Variants in ROBO1 observed in about 807,000 individuals in gnomAD.
ROBO1 encodes roundabout guidance receptor 1.
Under a neutral mutation model 195.9 loss-of-function variants are expected in ROBO1, and 149 were observed. The ratio of observed to expected loss-of-function variants is 0.76; its 90% CI spans 0.67 to 0.87. The LOEUF is 0.87. ROBO1 is among the 40% of genes least tolerant of loss of function. ROBO1 has a pLI of 0.00. For synonymous variants in ROBO1, 816 were observed against 733.2 expected (o/e 1.11, Z -1.82); for missense variants, 1,933 against 2,068.3 (o/e 0.93, Z 1.27).
chr3:78,885,932 TATATATATAC>T (rs2036539036), intron 4 of ROBO1, among the ~76,000 whole-genome samples: 1 of 144,570 alleles, frequency 6.9e-6, no homozygotes, highest in Non-Finnish European at 1.5e-5. Context: ...TATATATATA[TATATATATAC>T]ATACATATAT....
intron 4 of ROBO1, among the ~76,000 whole-genome samples, chr3:78,771,905 T>C (rs1328748952): frequency 1.3e-5 from 2 of 152,094 alleles, no homozygotes; most frequent in East Asian, 1.9e-4. Context: ...TCAATCCTTT[T>C]AAATTTCAAT....
In ROBO1 at chr3:78,884,644, AAAGAAAGG is replaced by A. The variant is rs1429342779; in HGVS notation, c.499+53949_499+53956del. Among the ~76,000 whole-genome samples, 368 of 81,046 alleles carry A rather than the reference AAAGAAAGG, an allele frequency of 4.5e-3. 1 individual carries two copies. Among genetic ancestry groups the A allele is most frequent in the African/African-American group, 0.011 (216 of 19,508 alleles). The allele number at this position is 81,046 out of a possible 152,430, so 53.2% of individuals were successfully genotyped here. A position where few individuals can be genotyped will look rare whatever the true frequency, so the allele number is the denominator to read the frequency against. On this transcript the variant is annotated intron_variant, in intron 4 of 30. Coordinates refer to ENST00000464233, the MANE Select transcript of ROBO1 (RefSeq NM_002941.4). Reference sequence around the variant, plus strand: ...AAGAGAGAAAGAAAGAGAAAGAAAGAAAGAAAGGAAGGAAGGAAGGAAGGAAGGAAGGA... The same window carrying A: ...AAGAGAGAAAGAAAGAGAAAGAAAGAAAGGAAGGAAGGAAGGAAGGAAGGA...
At chr3:79,700,015 T>G (rs1472381483) in intron 1 of ROBO1, among the ~76,000 whole-genome samples, 2 of 151,114 alleles carry the variant, frequency 1.3e-5, no homozygotes, top group Non-Finnish European at 3.0e-5. Flanking sequence ...CTTCCCAACA[T>G]CTGTTGTTGC....
chr3:78,629,246 C>T (rs1388881281), intron 25 of ROBO1, among the ~76,000 whole-genome samples: 1 of 152,134 alleles, frequency 6.6e-6, no homozygotes, highest in Non-Finnish European at 1.5e-5. Flanking sequence ...CTTCATTCTT[C>T]TCAGTTAGAA....
chr3:78,690,972 A>G (rs2081160444), intron 8 of ROBO1, among the ~76,000 whole-genome samples: 1 of 152,118 alleles, frequency 6.6e-6, no homozygotes, highest in African/African-American at 2.4e-5. Flanking sequence ...TCCTGAAGCA[A>G]TCCTTCCACA....
chr3:79,212,926 T>C (rs543188322), intron 2 of ROBO1, among the ~76,000 whole-genome samples: 1 of 152,252 alleles, frequency 6.6e-6, no homozygotes, highest in South Asian at 2.1e-4. Context: ...CTTTTCTTAC[T>C]TGCAGTCTGA....
chr3:79,511,696 TAAAGA>T (rs1940713753), intron 2 of ROBO1, among the ~76,000 whole-genome samples: 1 of 152,136 alleles, frequency 6.6e-6, no homozygotes, highest in South Asian at 2.1e-4. Context: ...ATAGACTAAG[TAAAGA>T]AAATACTGTA....
chr3:79,238,795 A>T (rs2108872900), intron 2 of ROBO1, among the ~76,000 whole-genome samples: 1 of 152,242 alleles, frequency 6.6e-6, no homozygotes. Context: ...ACTGCTTAGT[A>T]TTTCTCAAAG....
chr3:78,600,577 T>TATC (rs372684138), intron 29 of ROBO1, among the ~76,000 whole-genome samples: 1,832 of 152,284 alleles, frequency 0.012, 36 homozygotes, highest in African/African-American at 0.042. Context: ...TACAGACCAA[T>TATC]ATCATTAAAA....
At chr3:79,552,934 T>C (rs1942573528) in intron 2 of ROBO1, among the ~76,000 whole-genome samples, 1 of 152,028 alleles carries the variant, frequency 6.6e-6, no homozygotes, top group Non-Finnish European at 1.5e-5. Context: ...AAATTGAAAA[T>C]TTGCTATTGC....
At chr3:79,331,793 T>C (rs2034449789) in intron 2 of ROBO1, among the ~76,000 whole-genome samples, 5 of 152,206 alleles carry the variant, frequency 3.3e-5, no homozygotes, top group Admixed American at 3.3e-4. Flanking sequence ...TCACAGACAT[T>C]GTCTGCTAAA....
chr3:78,623,932 C>T (rs999179322), intron 26 of ROBO1, among the ~76,000 whole-genome samples: 1 of 151,998 alleles, frequency 6.6e-6, no homozygotes, highest in Non-Finnish European at 1.5e-5. Flanking sequence ...ACTGATGGGG[C>T]AGACATTAGA....
chr3:79,446,846 T>A (rs2039275533), intron 2 of ROBO1, among the ~76,000 whole-genome samples: 2 of 152,172 alleles, frequency 1.3e-5, no homozygotes, highest in African/African-American at 4.8e-5. Flanking sequence ...TTTTTTGAGA[T>A]GGAGTCTTCC....
chr3:78,878,814 G>C (rs538400746), intron 4 of ROBO1, among the ~76,000 whole-genome samples: 8 of 152,156 alleles, frequency 5.3e-5, no homozygotes, highest in African/African-American at 1.7e-4. Context: ...AGATTCTGTA[G>C]ACCAAAAGTT....
intron 3 of ROBO1, among the ~76,000 whole-genome samples, chr3:79,045,676 GA>G (rs1458601780): frequency 6.6e-6 from 1 of 151,796 alleles, no homozygotes; most frequent in Non-Finnish European, 1.5e-5. Flanking sequence ...CATTTTTAAG[GA>G]ACTAGACGGT....
intron 2 of ROBO1, among the ~76,000 whole-genome samples, chr3:79,273,649 G>A (rs1478648942): frequency 6.6e-6 from 1 of 151,710 alleles, no homozygotes; most frequent in East Asian, 1.9e-4. Context: ...AATGGCAGGA[G>A]TAAGTCCTTA....
intron 1 of ROBO1, among the ~76,000 whole-genome samples, chr3:79,666,068 G>A (rs912649986): frequency 6.6e-6 from 1 of 151,856 alleles, no homozygotes; most frequent in African/African-American, 2.4e-5. Context: ...TGAAAATGTG[G>A]CATGTTTTTG....
chr3:78,878,356 C>T lies in ROBO1; in HGVS notation c.499+60245G>A, dbSNP rs564008353. On this transcript the variant is annotated intron_variant, in intron 4 of 30. Coordinates refer to ENST00000464233, the MANE Select transcript of ROBO1 (RefSeq NM_002941.4). Reference sequence around the variant, plus strand: ...ATCCTAGCACTTTAGGAGGCTGAGACGGGTGGATCTCCTGAGGTCAGGAGT... The same window carrying T: ...ATCCTAGCACTTTAGGAGGCTGAGATGGGTGGATCTCCTGAGGTCAGGAGT... 3.9e-4 allele frequency among the ~76,000 whole-genome samples: 60 copies of T among 152,060 alleles called. 1 individual carries two copies. The highest frequency in any genetic ancestry group is 1.9e-4 in the East Asian group (1 of 5,148).
chr3:79,328,985 C>T (rs1247466752), intron 2 of ROBO1, among the ~76,000 whole-genome samples: 1 of 152,088 alleles, frequency 6.6e-6, no homozygotes, highest in Non-Finnish European at 1.5e-5. Context: ...GGATAGAAGG[C>T]GTCATAAAAG....
Sources: gnomAD v4.1 joint callset for allele counts (sites outside exome capture counted in the v4.1 genomes callset) on GRCh38, gnomAD v4.1.1 for gene constraint, MANE v1.5 for transcripts, NCBI Gene and HGNC (gene_info 2026-07-23, HGNC 2026-07-21) for gene names.